Variants in CTSD observed in about 807,000 individuals in gnomAD.
The protein encoded by CTSD is ceroid-lipofuscinosis, neuronal 10.
In CTSD, 28 loss-of-function variants were observed where a neutral mutation model predicts 43.6. That is an observed-to-expected ratio of 0.64 (90% CI 0.48 to 0.88). CTSD has a LOEUF of 0.88. Among genes scored for constraint, CTSD ranks in the 40% least tolerant of loss-of-function variants. The pLI, the probability that CTSD is intolerant of heterozygous loss-of-function variation, is 0.00. For missense variants in CTSD, 485 were observed against 555.2 expected (o/e 0.87, Z 1.27); for synonymous variants, 270 against 249.8 (o/e 1.08, Z -0.76).
rs1426509909 is a variant in CTSD, at chr11:1,753,617, G to C, written c.1125C>G (p.Ile375Met). ...TCCAGAGTGGCCCGCTGGGTGGCGG[G>C]ATGTCCATGCCCATGAAGCCGCTCA... ...LCLSGFMGMD[I>M]PPPSGPLWIL... Residue 375 changes from isoleucine (I) to methionine (M), a missense_variant, in exon 9 of 9, where the codon ATC (isoleucine) becomes ATG (methionine). Ile to Met is a conservative substitution (Grantham distance 10). Transcript: ENST00000236671. 1 of 1,612,984 alleles carries C rather than the reference G, an allele frequency of 6.2e-7. No homozygotes were observed. The highest frequency in any genetic ancestry group is 1.7e-5 in the Admixed American group (1 of 60,024).
rs767173878 is a variant in CTSD, at chr11:1,761,427, G to A, written c.110C>T (p.Ser37Leu). ...GTCCTCCACAGAGCCCCCAACCTCCGACATGGTCCGGCGGATGGACGTGAA... is the reference window on the plus strand; with the variant it reads ...GTCCTCCACAGAGCCCCCAACCTCCAACATGGTCCGGCGGATGGACGTGAA... ...HKFTSIRRTM[S>L]EVGGSVEDLI... Residue 37 changes from serine to leucine, a missense_variant, in exon 2 of 9, where the codon TCG becomes TTG. Physicochemically the swap from Ser to Leu is moderately radical, Grantham distance 145. Coordinates refer to ENST00000236671, the MANE Select transcript of CTSD (RefSeq NM_001909.5). The A allele has an allele frequency of 1.2e-5, 19 of 1,613,766 alleles. No homozygotes were observed. The highest frequency in any genetic ancestry group is 1.6e-4 in the Middle Eastern group (1 of 6,084).
At chr11:1,753,931 G>A in intron 7 of CTSD, 30 bp from the exon 8 acceptor site, 3 of 1,612,380 alleles carry the variant, frequency 1.9e-6, no homozygotes, top group Non-Finnish European at 2.5e-6. Context: ...TGTCAGGGTG[G>A]TAGTGGTGGC....
chr11:1,759,481 G>A, intron 3 of CTSD, 35 bp downstream of exon 3: 2 of 1,612,068 alleles, frequency 1.2e-6, no homozygotes, highest in Non-Finnish European at 1.7e-6. Context: ...CGGAAGGGCA[G>A]GACCTGGGCG....
intron 2 of CTSD, 152 bp downstream of exon 2, chr11:1,761,157 A>G (rs754624873): frequency 5.6e-5 from 44 of 781,252 alleles, no homozygotes; most frequent in Middle Eastern, 3.2e-4. Flanking sequence ...AATGGGGAAG[A>G]AAGGAGTGTG....
At chr11:1,756,109 C>T (rs1210257027) in intron 5 of CTSD, among the ~76,000 whole-genome samples, 1 of 151,168 alleles carries the variant, frequency 6.6e-6, no homozygotes, top group Admixed American at 6.6e-5. Flanking sequence ...GTACTCATAC[C>T]GTGTGCCCCT....
In CTSD at chr11:1,759,526, G is replaced by A. The variant is rs377663392; in HGVS notation, c.342C>T (p.Asp114=). ...WVPSIHCKLL[D]IACWIHHKYN... is the part of the protein sequence containing the mutation. ...GGGTTCGTGACTCACAGCAAGCGATGTCCAGCAGTTTGCAGTGGATGGAGG... is the reference window on the plus strand; with the variant it reads ...GGGTTCGTGACTCACAGCAAGCGATATCCAGCAGTTTGCAGTGGATGGAGG... The change falls in exon 3 of 9, where the codon GAC becomes GAT. Residue 114 remains aspartate (D), a synonymous_variant. Transcript: ENST00000236671. 3 of 1,613,556 alleles carry A rather than the reference G, an allele frequency of 1.9e-6. No homozygotes were observed. The highest frequency in any genetic ancestry group is 2.7e-5 in the African/African-American group (2 of 75,080).
intron 3 of CTSD, 66 bp from the exon 4 acceptor site, chr11:1,759,153 A>G: frequency 8.1e-7 from 1 of 1,229,288 alleles, no homozygotes; most frequent in Non-Finnish European, 1.2e-6. Flanking sequence ...TAGCCCTCCC[A>G]TCCCCCTACA....
intron 4 of CTSD, 86 bp from the exon 5 acceptor site, chr11:1,757,642 A>G (rs1194550236): frequency 1.8e-6 from 2 of 1,088,900 alleles, no homozygotes; most frequent in Non-Finnish European, 2.7e-6. Flanking sequence ...ACCCAGTTCA[A>G]TGGATGCCCA....
chr11:1,759,724 C>G (rs927292240), intron 2 of CTSD, 85 bp from the exon 3 acceptor site: 3 of 1,426,998 alleles, frequency 2.1e-6, no homozygotes, highest in Non-Finnish European at 2.8e-6. Flanking sequence ...GTCCCCAGAG[C>G]CAAGGCCCAT....
rs542595424 is a variant in CTSD, at chr11:1,754,380, G to C, written c.828-242C>G. On this transcript the variant is annotated intron_variant, in intron 6 of 8. Transcript: ENST00000236671. ...CATGGAGGGATGGAGGGGATGGAGGGGCATAGAGGGATGGAGGGGATGGAG... is the reference window on the plus strand; with the variant it reads ...CATGGAGGGATGGAGGGGATGGAGGCGCATAGAGGGATGGAGGGGATGGAG... 31 of 576,028 alleles carry C rather than the reference G, an allele frequency of 5.4e-5. No homozygotes were observed. The African/African-American group carries it at 6.0e-4, about 11-fold the overall frequency. 35.7% of individuals were successfully genotyped at this position (576,028 alleles called of 1,614,324 possible).
Position 1,763,901 on chromosome 11 carries a change from G to A in CTSD, c.-42C>T, listed in dbSNP as rs1412411283. 1.3e-6 allele frequency: 2 copies of A among 1,496,354 alleles called. No homozygotes were observed. Among genetic ancestry groups the A allele is most frequent in the Non-Finnish European group, 1.8e-6 (2 of 1,122,804 alleles). The allele number at this position is 1,496,354 out of a possible 1,614,324, so 92.7% of individuals were successfully genotyped here. ...TCGGAGAGGGTCGCCGAGGCCGTGC[G>A]CTTATAGCCGGGATGACGCCGCAGT... On this transcript the variant is annotated 5_prime_UTR_variant, in exon 1 of 9. Coordinates refer to ENST00000236671, the MANE Select transcript of CTSD (RefSeq NM_001909.5).
chr11:1,757,615 G>C, intron 4 of CTSD, 59 bp from the exon 5 acceptor site: 1 of 1,390,340 alleles, frequency 7.2e-7, no homozygotes, highest in Non-Finnish European at 9.9e-7. Flanking sequence ...ACCACTCCCT[G>C]AGCATGAGGC....
At chr11:1,760,100 G>T (rs938000676) in intron 2 of CTSD, among the ~76,000 whole-genome samples, 15 of 152,212 alleles carry the variant, frequency 9.9e-5, no homozygotes, top group African/African-American at 3.4e-4. Flanking sequence ...CTGATTCTGG[G>T]TGTCTCAGTG....
chr11:1,754,309 A>G (rs1845768816), intron 6 of CTSD, 171 bp from the exon 7 acceptor site: 3 of 667,066 alleles, frequency 4.5e-6, no homozygotes, highest in Non-Finnish European at 7.5e-6. Context: ...GAGAGGAGAC[A>G]CAGAGTGGTA....
chr11:1,759,584 A>G lies in CTSD; in HGVS notation c.284T>C (p.Val95Ala). The G allele has an allele frequency of 4.3e-6, 7 of 1,613,580 alleles. No individual in the cohort carries two copies. The highest frequency in any genetic ancestry group is 5.9e-6 in the Non-Finnish European group (7 of 1,179,972). Residue 95 changes from valine (V) to alanine (A), a missense_variant, in exon 3 of 9, where the codon GTC becomes GCC. Transcript: ENST00000236671. ...CAGGTTGGAGGAGCCCGTGTCGAAG[A>G]CGACTGTGAAGCACTGGGGGGGCGT... ...IGTPPQCFTV[V>A]FDTGSSNLWV...
chr11:1,761,615 C>G (rs1471195662), intron 1 of CTSD, 147 bp from the exon 2 acceptor site: 2 of 850,224 alleles, frequency 2.4e-6, no homozygotes, highest in East Asian at 2.7e-5. Context: ...CTGGAAACTG[C>G]TGGCCCAGCT....
rs772347858 is a variant in CTSD, at chr11:1,754,091, G to A, written c.875C>T (p.Ala292Val). The change falls in exon 7 of 9, where the codon GCC becomes GTC. Residue 292 changes from alanine to valine, a missense_variant. By Grantham distance (64) the Ala-to-Val change is moderately conservative (BLOSUM62 0). Transcript: ENST00000236671. ...GAGGGAAGTGCCTGTGTCCACAATG[G>A]CCTCACAGCCCTCCTTGCACAGGGT... ...GLTLCKEGCE[A>V]IVDTGTSLMV... 6.2e-7 allele frequency: 1 copy of A among 1,611,400 alleles called. No individual in the cohort carries two copies. Among genetic ancestry groups the A allele is most frequent in the South Asian group, 1.1e-5 (1 of 91,058 alleles).
At chr11:1,757,078 C>A (rs894052424) in intron 5 of CTSD, among the ~76,000 whole-genome samples, 2 of 152,252 alleles carry the variant, frequency 1.3e-5, no homozygotes, top group Non-Finnish European at 2.9e-5. Context: ...GTCCCAGGAC[C>A]CACAGCCTGG....
chr11:1,755,569 T>C (rs1845799454), intron 5 of CTSD, among the ~76,000 whole-genome samples: 1 of 152,174 alleles, frequency 6.6e-6, no homozygotes, highest in Non-Finnish European at 1.5e-5. Context: ...AAGGTGCTCC[T>C]GGGCAGGAGC....
Sources: allele counts gnomAD v4.1 joint callset (sites outside exome capture counted in the v4.1 genomes callset), GRCh38; gene constraint gnomAD v4.1.1; transcripts MANE v1.5; gene names NCBI Gene and HGNC (gene_info 2026-07-23, HGNC 2026-07-21).